FRK: variants seen among roughly 807,000 people sequenced by gnomAD.
FRK encodes fyn related Src family tyrosine kinase.
FRK carries 51 observed loss-of-function variants against 56.4 expected under a neutral mutation model. That is an observed-to-expected ratio of 0.90 (90% CI 0.72 to 1.14). FRK has a LOEUF of 1.14. Among genes scored for constraint, FRK ranks in the 50% most tolerant of loss-of-function variants. The probability of loss-of-function intolerance (pLI) is 0.00; values close to 1 mark genes in which losing one functional copy is unlikely to be tolerated. For synonymous variants in FRK, 245 were observed against 217.9 expected (o/e 1.12, Z -1.10); for missense variants, 570 against 601.4 (o/e 0.95, Z 0.55).
intron 2 of FRK, among the ~76,000 whole-genome samples, chr6:115,992,637 A>G (rs557213714): frequency 6.6e-6 from 1 of 151,982 alleles, no homozygotes; most frequent in South Asian, 2.1e-4. Context: ...CATGCAAAAC[A>G]CCATGCTATG....
At chr6:116,027,837 T>TA (rs995862850) in intron 1 of FRK, among the ~76,000 whole-genome samples, 51 of 143,902 alleles carry the variant, frequency 3.5e-4, no homozygotes, top group East Asian at 2.4e-3. Context: ...GCTTTGAGTT[T>TA]AAAAAAAAAA....
the FRK span, among the ~76,000 whole-genome samples, chr6:116,092,457 C>G: frequency 6.6e-6 from 1 of 152,122 alleles, no homozygotes; most frequent in Non-Finnish European, 1.5e-5. Flanking sequence ...AGGACTCTAA[C>G]AGGTTTTTGA....
intron 1 of FRK, among the ~76,000 whole-genome samples, chr6:116,016,784 C>T (rs1289094163): frequency 6.6e-6 from 1 of 152,050 alleles, no homozygotes; most frequent in Non-Finnish European, 1.5e-5. Context: ...CAGATACTCA[C>T]TAAGCATTAC....
chr6:115,949,478 G>C (rs1772621632), intron 5 of FRK, among the ~76,000 whole-genome samples: 2 of 151,922 alleles, frequency 1.3e-5, no homozygotes, highest in Admixed American at 6.6e-5. Context: ...AGTTTACTGA[G>C]TGTTAAGGAC....
chr6:115,968,877 G>C (rs1720524195), intron 2 of FRK, 138 bp from the exon 3 acceptor site: 5 of 743,444 alleles, frequency 6.7e-6, no homozygotes, highest in African/African-American at 1.8e-5. Context: ...TCTCAGAAAA[G>C]ATTTAAGAAA....
At position 115,933,571 on chromosome 6, in the gene FRK, A is replaced by G. The variant is rs1347777330; in HGVS notation, c.*8843T>C. On this transcript the variant is annotated 3_prime_UTR_variant, in exon 8 of 8. Transcript: ENST00000606080. ...GTATCAGGTGGTATTAAAACAGGAA[A>G]GGATAAACTTCTTTTCATATTTCAA... 2 of 152,222 alleles carry G rather than the reference A, an allele frequency of 1.3e-5. No homozygotes were observed. Among genetic ancestry groups the G allele is most frequent in the Non-Finnish European group, 2.9e-5 (2 of 68,026 alleles). The allele number at this position is 152,222 out of a possible 1,614,324, so 9.4% of individuals were successfully genotyped here.
chr6:116,071,616 CAT>C, the FRK span, among the ~76,000 whole-genome samples: 2 of 152,166 alleles, frequency 1.3e-5, no homozygotes, highest in Non-Finnish European at 2.9e-5. Context: ...GATTAAACCA[CAT>C]GTCATTAATA....
intron 1 of FRK, among the ~76,000 whole-genome samples, chr6:116,050,199 C>A (rs73772214): frequency 0.1 from 15,209 of 152,030 alleles, 880 homozygotes; most frequent in African/African-American, 0.16. Context: ...CAACTTCAGA[C>A]GAGGCTACAC....
chr6:115,967,471 A>G, intron 4 of FRK, 80 bp downstream of exon 4: 1 of 1,412,800 alleles, frequency 7.1e-7, no homozygotes, highest in Non-Finnish European at 9.8e-7. Flanking sequence ...TAGCCACCCT[A>G]TGACCTCTTA....
intron 4 of FRK, among the ~76,000 whole-genome samples, chr6:115,960,140 C>T (rs1325450239): frequency 6.6e-6 from 1 of 151,684 alleles, no homozygotes; most frequent in Non-Finnish European, 1.5e-5. Context: ...GTACCGGGTT[C>T]ATCTCACTAG....
intron 1 of FRK, among the ~76,000 whole-genome samples, chr6:116,037,496 T>C (rs57455804): frequency 0.014 from 2,100 of 152,248 alleles, 43 homozygotes; most frequent in African/African-American, 0.048. Context: ...TTTAAAAATA[T>C]AATTAAAATA....
intron 4 of FRK, among the ~76,000 whole-genome samples, chr6:115,959,982 G>C (rs1352094587): frequency 1.3e-5 from 2 of 151,922 alleles, no homozygotes; most frequent in Non-Finnish European, 2.9e-5. Flanking sequence ...AAAACTAACA[G>C]TTATTTTGAT....
chr6:116,040,298 C>T (rs1255556324), intron 1 of FRK, among the ~76,000 whole-genome samples: 1 of 152,068 alleles, frequency 6.6e-6, no homozygotes, highest in African/African-American at 2.4e-5. Context: ...TTATGGCCAG[C>T]ATACTAGCTA....
the FRK span, among the ~76,000 whole-genome samples, chr6:116,070,871 GC>G: frequency 7.8e-3 from 1,190 of 152,038 alleles, 14 homozygotes; most frequent in African/African-American, 0.027. Context: ...GTCCTGCTAG[GC>G]CTTTTTTTGT....
chr6:116,089,397 C>A, the FRK span, among the ~76,000 whole-genome samples: 1 of 152,210 alleles, frequency 6.6e-6, no homozygotes, highest in Admixed American at 6.5e-5. Flanking sequence ...GAACTCTAGA[C>A]TCTAATAGTA....
At chr6:116,059,856 T>G (rs191899596) in intron 1 of FRK, 112 bp downstream of exon 1, 1 of 923,974 alleles carries the variant, frequency 1.1e-6, no homozygotes, top group Non-Finnish European at 1.7e-6. Flanking sequence ...TACTTCCTCA[T>G]ACTTTTTAGG....
chr6:116,079,439 C>A, the FRK span, among the ~76,000 whole-genome samples: 1 of 150,424 alleles, frequency 6.6e-6, no homozygotes, highest in Non-Finnish European at 1.5e-5. Context: ...GATAAGGGCT[C>A]TTTATCAGTT....
chr6:116,087,789 ACT>A, the FRK span, among the ~76,000 whole-genome samples: 2 of 152,324 alleles, frequency 1.3e-5, no homozygotes, highest in East Asian at 3.9e-4. Flanking sequence ...TGGCACTGGT[ACT>A]CTGTTTCACA....
chr6:116,034,296 A>G (rs1776393452), intron 1 of FRK, among the ~76,000 whole-genome samples: 1 of 152,182 alleles, frequency 6.6e-6, no homozygotes, highest in East Asian at 1.9e-4. Context: ...GAGGTGATGG[A>G]TATCCCAATT....
Sources: allele counts gnomAD v4.1 joint callset (sites outside exome capture counted in the v4.1 genomes callset), GRCh38; gene constraint gnomAD v4.1.1; transcripts MANE v1.5; gene names NCBI Gene and HGNC (gene_info 2026-07-23, HGNC 2026-07-21).